The following CUX2 variants were observed in gnomAD, a reference collection of about 807,000 sequenced individuals.
CUX2 encodes cut like homeobox 2, also known as homeobox protein cut-like 2.
In CUX2, 40 loss-of-function variants were observed where a neutral mutation model predicts 144.8. The observed-to-expected ratio is 0.28, with a 90% confidence interval of 0.21 to 0.36. The LOEUF (loss-of-function observed/expected upper bound fraction) is 0.36. CUX2 is among the 10% of genes least tolerant of loss of function. The pLI is 1.00. For synonymous variants in CUX2, 827 were observed against 875.6 expected (o/e 0.94, Z 0.98); for missense variants, 1,615 against 1,994.0 (o/e 0.81, Z 3.62).
chr12:111,203,643 G>T (rs913736442), intron 1 of CUX2, among the ~76,000 whole-genome samples: 1 of 152,038 alleles, frequency 6.6e-6, no homozygotes, highest in African/African-American at 2.4e-5. Context: ...AGCCCAACAC[G>T]AATCATATGG....
intron 18 of CUX2, among the ~76,000 whole-genome samples, chr12:111,328,491 A>G (rs143203042): frequency 6.6e-6 from 1 of 152,054 alleles, no homozygotes; most frequent in Non-Finnish European, 1.5e-5. Context: ...ATTCTCAAGC[A>G]GTCAAGGAAG....
rs536355263 is a variant in CUX2 at position 111,249,960 on chromosome 12, G to T, written c.223-13801G>T. On this transcript the variant is annotated intron_variant, in intron 3 of 21. Coordinates refer to ENST00000261726, the MANE Select transcript of CUX2 (RefSeq NM_015267.4). The stretch of plus-strand genomic sequence containing the variant: ...CTATAGTCCATACTTTACGTGAGGG[G>T]CCACTCTTTGTGTTGCAAAGTTCTA... Among the ~76,000 whole-genome samples the T allele has an allele frequency of 2.0e-5, 3 of 152,258 alleles. No individual in the cohort carries two copies. The East Asian group carries it at 5.8e-4, about 29-fold the overall frequency.
chr12:111,207,408 A>T (rs1458535035), intron 1 of CUX2, among the ~76,000 whole-genome samples: 1 of 152,190 alleles, frequency 6.6e-6, no homozygotes, highest in Non-Finnish European at 1.5e-5. Flanking sequence ...CCTCCTTATG[A>T]AATGCCTAGC....
chr12:111,106,968 G>A (rs1776018284), intron 1 of CUX2, among the ~76,000 whole-genome samples: 1 of 152,232 alleles, frequency 6.6e-6, no homozygotes, highest in Non-Finnish European at 1.5e-5. Context: ...TGGACAGGCT[G>A]TGTGCAGGCA....
At position 111,059,469 on chromosome 12, in the gene CUX2, C is replaced by T. The variant is rs1281804808; in HGVS notation, c.63+25229C>T. On this transcript the variant is annotated intron_variant, in intron 1 of 21. Coordinates refer to ENST00000261726, the MANE Select transcript of CUX2 (RefSeq NM_015267.4). The surrounding 1 kb of genome is among the most constrained non-coding windows in gnomAD (Gnocchi z 5.3). ...AGGGGAGCAGGACTACTGCCTGATT[C>T]CTGGACCATTTTGTTTTCTATGAGG... Among the ~76,000 whole-genome samples, 1 of 152,200 alleles carries T rather than the reference C, an allele frequency of 6.6e-6. No homozygotes were observed. The highest frequency in any genetic ancestry group is 1.9e-4 in the East Asian group (1 of 5,192).
At chr12:111,071,423 C>A (rs528741626) in intron 1 of CUX2, among the ~76,000 whole-genome samples, 2 of 152,230 alleles carry the variant, frequency 1.3e-5, no homozygotes, top group South Asian at 4.1e-4. Context: ...TGTATATCTT[C>A]TTTGGTGAGG....
chr12:111,062,476 C>T (rs754641811), intron 1 of CUX2, among the ~76,000 whole-genome samples: 8 of 152,250 alleles, frequency 5.3e-5, no homozygotes, highest in Non-Finnish European at 8.8e-5. Context: ...GGAAGCAGAG[C>T]TGGGAGACGG....
At chr12:111,100,203 ATGTGTGTGTGTGCTTGTGTC>A in intron 1 of CUX2, 1 of 288,536 alleles carries the variant, frequency 3.5e-6, no homozygotes, top group Non-Finnish European at 6.8e-6. Context: ...GTGTGTGTGT[ATGTGTGTGTGTGCTTGTGTC>A]TGTGTGTGTC....
chr12:111,155,283 A>G (rs565095652), intron 1 of CUX2, among the ~76,000 whole-genome samples: 23 of 152,094 alleles, frequency 1.5e-4, no homozygotes, highest in Non-Finnish European at 2.9e-4. Flanking sequence ...TAGTTCATAC[A>G]GTAGTCTTGA....
At chr12:111,067,288 G>T (rs993877104) in intron 1 of CUX2, among the ~76,000 whole-genome samples, 3 of 152,180 alleles carry the variant, frequency 2.0e-5, no homozygotes, top group African/African-American at 7.2e-5. Context: ...AGAATTCTCT[G>T]GTACTTTTCA....
rs549840590 is a variant in CUX2 at position 111,035,669 on chromosome 12, G to A, written c.63+1429G>A. 5.4e-5 allele frequency among the ~76,000 whole-genome samples: 8 copies of A among 149,036 alleles called. No individual in the cohort carries two copies. Among genetic ancestry groups the A allele is most frequent in the Non-Finnish European group, 8.9e-5 (6 of 67,776 alleles). ...TCTCGTTAAGTTTCTTCTGATAAGTGGTTCCAGCACCCGCGCCTTCTCCCC... is the reference window on the plus strand; with the variant it reads ...TCTCGTTAAGTTTCTTCTGATAAGTAGTTCCAGCACCCGCGCCTTCTCCCC... On this transcript the variant is annotated intron_variant, in intron 1 of 21. Transcript: ENST00000261726. This position sits in a 1 kb window ranked among gnomAD's most constrained non-coding sequence, Gnocchi z 6.0.
chr12:111,133,922 C>T (rs1340820066), intron 1 of CUX2, among the ~76,000 whole-genome samples: 1 of 152,146 alleles, frequency 6.6e-6, no homozygotes, highest in Non-Finnish European at 1.5e-5. Context: ...AGGGTCTTCC[C>T]ACCTGTCCCC....
At chr12:111,245,097 C>G (rs1267325290) in intron 3 of CUX2, among the ~76,000 whole-genome samples, 1 of 152,156 alleles carries the variant, frequency 6.6e-6, no homozygotes, top group Non-Finnish European at 1.5e-5. Flanking sequence ...CCCCACAGAG[C>G]ATAGGGGATA....
intron 18 of CUX2, among the ~76,000 whole-genome samples, chr12:111,327,455 G>A (rs1208860017): frequency 6.6e-6 from 1 of 152,134 alleles, no homozygotes; most frequent in African/African-American, 2.4e-5. Context: ...AGTTCAAAGG[G>A]TTTCTGTTTC....
rs748101813 is a variant in CUX2 at position 111,320,382 on chromosome 12, C to T, written c.2373C>T (p.Ser791=). 66 of 1,597,916 alleles carry T rather than the reference C, an allele frequency of 4.1e-5. No homozygotes were observed. Among genetic ancestry groups the T allele is most frequent in the Non-Finnish European group, 5.2e-5 (61 of 1,179,148 alleles). ...DAGYFDHHWA[S]DRGLLSRPYA... The stretch of plus-strand genomic sequence containing the variant: ...GCTACTTCGACCACCACTGGGCCTC[C>T]GACCGCGGCCTGCTCAGCCGCCCCT... The change falls in exon 17 of 22, where the codon TCC becomes TCT. Residue 791 remains serine, a synonymous_variant. Transcript: ENST00000261726. The surrounding 1 kb of genome is among the most constrained non-coding windows in gnomAD (Gnocchi z 8.1).
At chr12:111,110,669 T>A (rs7300415) in intron 1 of CUX2, among the ~76,000 whole-genome samples, 1,594 of 152,358 alleles carry the variant, frequency 0.01, 23 homozygotes, top group African/African-American at 0.037. Flanking sequence ...GCAAGAAGTT[T>A]CTCTCTAATC....
chr12:111,304,186 C>A lies in CUX2; in HGVS notation c.754-24C>A. The A allele has an allele frequency of 6.3e-7, 1 of 1,592,510 alleles. No individual in the cohort carries two copies. The highest frequency in any genetic ancestry group is 1.1e-5 in the South Asian group (1 of 88,774). ...AAGTGCAGAGTGGGCTCACCTCTCG[C>A]CCACACTGTCCCCTTCTCCCCAGCG... On this transcript the variant is annotated intron_variant, in intron 9 of 21. Transcript: ENST00000261726. This position sits in a 1 kb window ranked among gnomAD's most constrained non-coding sequence, Gnocchi z 4.7.
rs1002511357 is a variant in CUX2, at chr12:111,061,691, G to A, written c.63+27451G>A. Among the ~76,000 whole-genome samples the A allele has an allele frequency of 6.6e-6, 1 of 152,144 alleles. No individual in the cohort carries two copies. The highest frequency in any genetic ancestry group is 2.1e-4 in the South Asian group (1 of 4,824). On this transcript the variant is annotated intron_variant, in intron 1 of 21. Coordinates refer to ENST00000261726, the MANE Select transcript of CUX2 (RefSeq NM_015267.4). This position sits in a 1 kb window ranked among gnomAD's most constrained non-coding sequence, Gnocchi z 4.2. The stretch of plus-strand genomic sequence containing the variant: ...TTTCGGACAAGCGTTTTACCTGCCC[G>A]ATGTTCTGTGAAGTGAGTGGGTCAC...
intron 4 of CUX2, among the ~76,000 whole-genome samples, chr12:111,267,108 G>T (rs1884423854): frequency 6.8e-6 from 1 of 148,014 alleles, no homozygotes; most frequent in Non-Finnish European, 1.5e-5. Flanking sequence ...TGTGGTGGGA[G>T]AATTGCTTGA....
Sources: allele counts gnomAD v4.1 joint callset (sites outside exome capture counted in the v4.1 genomes callset), GRCh38; gene constraint gnomAD v4.1.1; non-coding constraint Gnocchi (gnomAD v3.1); transcripts MANE v1.5; gene names NCBI Gene and HGNC (gene_info 2026-07-23, HGNC 2026-07-21).